Variants in TSPAN9 observed in about 807,000 individuals in gnomAD.
TSPAN9 encodes tetraspanin-9.
Under a neutral mutation model 31.0 loss-of-function variants are expected in TSPAN9, and 16 were observed. The observed-to-expected ratio is 0.52, with a 90% CI of 0.35 to 0.78. The LOEUF is 0.78. Among genes scored for constraint, TSPAN9 ranks in the 30% least tolerant of loss-of-function variants. The pLI is 0.01. For synonymous variants in TSPAN9, 145 were observed against 121.6 expected (o/e 1.19, Z -1.27); for missense variants, 272 against 312.5 (o/e 0.87, Z 0.98).
chr12:3,267,902 C>T (rs552984742), intron 3 of TSPAN9, among the ~76,000 whole-genome samples: 3 of 152,226 alleles, frequency 2.0e-5, no homozygotes, highest in Non-Finnish European at 4.4e-5. Flanking sequence ...CCACCCTGCA[C>T]ATCATGCAGT....
intron 3 of TSPAN9, among the ~76,000 whole-genome samples, chr12:3,215,912 T>C (rs1415818285): frequency 1.3e-5 from 2 of 152,204 alleles, no homozygotes; most frequent in Non-Finnish European, 1.5e-5. Flanking sequence ...CCGGGACCTC[T>C]CTGTCTGGCT....
chr12:3,187,843 CG>C lies in TSPAN9; in HGVS notation c.-17-13330del, dbSNP rs1432094902. On this transcript the variant is annotated intron_variant, in intron 2 of 8. Coordinates refer to ENST00000011898, the MANE Select transcript of TSPAN9 (RefSeq NM_006675.5). This position sits in a 1 kb window ranked among gnomAD's most constrained non-coding sequence, Gnocchi z 5.2. The stretch of plus-strand genomic sequence containing the variant: ...GCCAGACTCTCCCTGGGCAGGTCCT[CG>C]GGGCACTCCCAGGCTGAACCTCCAG... 2.0e-5 allele frequency among the ~76,000 whole-genome samples: 3 copies of C among 152,092 alleles called. No homozygotes were observed. The highest frequency in any genetic ancestry group is 4.4e-5 in the Non-Finnish European group (3 of 68,022).
chr12:3,185,482 G>T (rs1052783047), intron 2 of TSPAN9, among the ~76,000 whole-genome samples: 10 of 152,200 alleles, frequency 6.6e-5, no homozygotes, highest in African/African-American at 2.4e-4. Context: ...ATGGCTGGTG[G>T]ATTTGAGGGT....
chr12:3,242,691 C>T (rs965729464), intron 3 of TSPAN9, among the ~76,000 whole-genome samples: 2 of 152,234 alleles, frequency 1.3e-5, no homozygotes, highest in African/African-American at 4.8e-5. Context: ...ACTCAGGCCT[C>T]AGCTGGAGGG....
chr12:3,274,840 G>A (rs1591720052), intron 3 of TSPAN9, among the ~76,000 whole-genome samples: 1 of 152,272 alleles, frequency 6.6e-6, no homozygotes, highest in Non-Finnish European at 1.5e-5. Context: ...CTCCTCACTG[G>A]GCAGACGTGC....
At chr12:3,212,153 G>A (rs972570757) in intron 3 of TSPAN9, among the ~76,000 whole-genome samples, 12 of 151,546 alleles carry the variant, frequency 7.9e-5, no homozygotes, top group Non-Finnish European at 1.6e-4. Flanking sequence ...TGTATTTTTA[G>A]TAGAGATGGG....
chr12:3,263,439 G>A (rs938473724), intron 3 of TSPAN9, among the ~76,000 whole-genome samples: 2 of 152,222 alleles, frequency 1.3e-5, no homozygotes, highest in African/African-American at 4.8e-5. Flanking sequence ...TCCACGTGTG[G>A]CGGTGGACGG....
chr12:3,142,998 C>T (rs78274373), intron 2 of TSPAN9, among the ~76,000 whole-genome samples: 6,455 of 152,136 alleles, frequency 0.042, 481 homozygotes, highest in African/African-American at 0.15. Flanking sequence ...AGGAGTGCTG[C>T]TCGGTCACTC....
chr12:3,125,503 T>TA (rs1209921004), intron 2 of TSPAN9, among the ~76,000 whole-genome samples: 1 of 152,218 alleles, frequency 6.6e-6, no homozygotes, highest in Non-Finnish European at 1.5e-5. Flanking sequence ...TAATTATTTT[T>TA]AAAAAATAGG....
chr12:3,199,805 C>A (rs1181962304), intron 2 of TSPAN9, among the ~76,000 whole-genome samples: 1 of 152,214 alleles, frequency 6.6e-6, no homozygotes, highest in African/African-American at 2.4e-5. Context: ...TACCTCGCGC[C>A]TCCCTGCGGT....
intron 2 of TSPAN9, among the ~76,000 whole-genome samples, chr12:3,105,768 G>GCACACACA (rs543090813): frequency 2.1e-4 from 6 of 28,482 alleles, no homozygotes; most frequent in South Asian, 3.1e-3. Flanking sequence ...GCACACACGC[G>GCACACACA]CACGCACACA....
chr12:3,226,451 C>T (rs1018532501), intron 3 of TSPAN9, among the ~76,000 whole-genome samples: 6 of 151,582 alleles, frequency 4.0e-5, no homozygotes, highest in African/African-American at 1.5e-4. Flanking sequence ...CTTAAGGGGC[C>T]ATGTAATCTT....
intron 2 of TSPAN9, among the ~76,000 whole-genome samples, chr12:3,124,350 T>C (rs1291490499): frequency 1.3e-5 from 2 of 152,230 alleles, no homozygotes; most frequent in African/African-American, 4.8e-5. Context: ...ATTTTTTCAT[T>C]GCAGCACTAT....
chr12:3,282,801 A>G (rs998405808), intron 8 of TSPAN9, among the ~76,000 whole-genome samples: 1 of 152,244 alleles, frequency 6.6e-6, no homozygotes, highest in African/African-American at 2.4e-5. Flanking sequence ...TGCATCCTGC[A>G]GAGGTTCGAT....
At chr12:3,087,946 G>A (rs1409476693) in intron 2 of TSPAN9, among the ~76,000 whole-genome samples, 2 of 152,218 alleles carry the variant, frequency 1.3e-5, no homozygotes. Context: ...CTGAGGCTTA[G>A]GGGCCCAAAG....
chr12:3,091,751 A>T (rs1227985082), intron 2 of TSPAN9, among the ~76,000 whole-genome samples: 1 of 152,172 alleles, frequency 6.6e-6, no homozygotes, highest in Non-Finnish European at 1.5e-5. Context: ...TTTAGTAAAG[A>T]AATGTTTTGT....
chr12:3,201,316 C>A (rs740775), intron 3 of TSPAN9, 60 bp downstream of exon 3: 1 of 1,493,588 alleles, frequency 6.7e-7, no homozygotes, highest in African/African-American at 1.4e-5. Flanking sequence ...CTTACCATAG[C>A]GTGAATACCC....
At chr12:3,152,648 C>T (rs750155299) in intron 2 of TSPAN9, among the ~76,000 whole-genome samples, 4 of 151,614 alleles carry the variant, frequency 2.6e-5, no homozygotes, top group Non-Finnish European at 5.9e-5. Context: ...TGCAGTGGCG[C>T]GATCTTGGCT....
intron 3 of TSPAN9, among the ~76,000 whole-genome samples, chr12:3,256,060 G>A (rs1862339157): frequency 6.6e-6 from 1 of 151,964 alleles, no homozygotes; most frequent in Admixed American, 6.5e-5. Context: ...CCAGATCTAG[G>A]CCGGTCCCCC....
Sources: gnomAD v4.1 joint callset for allele counts (sites outside exome capture counted in the v4.1 genomes callset) on GRCh38, gnomAD v4.1.1 for gene constraint, Gnocchi (gnomAD v3.1) non-coding constraint, MANE v1.5 for transcripts, NCBI Gene and HGNC (gene_info 2026-07-23, HGNC 2026-07-21) for gene names.